The following SYNJ1 variants were observed in gnomAD, a reference collection of about 807,000 sequenced individuals.
SYNJ1 encodes the protein polyphosphatidylinositol phosphatase SYNJ1.
In SYNJ1, 78 loss-of-function variants were observed where a neutral mutation model predicts 168.2. The ratio of observed to expected loss-of-function variants is 0.46; its 90% confidence interval spans 0.39 to 0.56. The LOEUF is 0.56. Ranked by LOEUF, SYNJ1 falls within the 20% of genes least tolerant of loss-of-function variation. SYNJ1 has a pLI of 0.00. For missense variants in SYNJ1, 1,303 were observed against 1,597.6 expected (o/e 0.82, Z 3.14); for synonymous variants, 539 against 548.6 (o/e 0.98, Z 0.24).
Position 32,631,364 on chromosome 21 carries a change from T to A in SYNJ1, c.*441A>T, listed in dbSNP as rs969841388. 6.2e-7 allele frequency: 1 copy of A among 1,614,060 alleles called. No individual in the cohort carries two copies. The highest frequency in any genetic ancestry group is 8.5e-7 in the Non-Finnish European group (1 of 1,180,042). On this transcript the variant is annotated 3_prime_UTR_variant, in exon 33 of 33. Coordinates refer to ENST00000674351, the MANE Select transcript of SYNJ1 (RefSeq NM_203446.3). ...CATCAAGTGAAGATGAAGCCCTGCT[T>A]TTGTTATGACCAAGAGGCTGCAGAG...
At chr21:32,711,382 G>A (rs896939164) in intron 2 of SYNJ1, among the ~76,000 whole-genome samples, 1 of 151,612 alleles carries the variant, frequency 6.6e-6, no homozygotes, top group Admixed American at 6.6e-5. Context: ...CGCCAGGCTG[G>A]AGTGCAGTGG....
At chr21:32,676,407 A>C in intron 12 of SYNJ1, 52 bp from the exon 13 acceptor site, 11 of 1,563,374 alleles carry the variant, frequency 7.0e-6, no homozygotes, top group Non-Finnish European at 9.6e-6. Context: ...AACAAGTTAC[A>C]ATTAAAATGT....
rs543639398 is a variant in SYNJ1, at chr21:32,639,764, C to A, written c.3604G>T (p.Ala1202Ser). Residue 1202 changes from alanine (A) to serine (S), a missense_variant, in exon 30 of 33, where the codon GCT becomes TCT. Coordinates refer to ENST00000674351, the MANE Select transcript of SYNJ1 (RefSeq NM_203446.3). ...STARPTIPPR[A>S]GVISAPQSHA... ...CTCTGTGGGGCACTGATAACTCCAGCACGAGGAGGAATCGTCTACAGATAG... is the reference window on the plus strand; with the variant it reads ...CTCTGTGGGGCACTGATAACTCCAGAACGAGGAGGAATCGTCTACAGATAG... 19 of 1,613,860 alleles carry A rather than the reference C, an allele frequency of 1.2e-5. No homozygotes were observed. The highest frequency in any genetic ancestry group is 1.4e-5 in the Non-Finnish European group (16 of 1,179,874).
At chr21:32,651,093 C>T (rs2040255513) in intron 22 of SYNJ1, among the ~76,000 whole-genome samples, 2 of 152,158 alleles carry the variant, frequency 1.3e-5, no homozygotes, top group African/African-American at 2.4e-5. Flanking sequence ...CTGATAACAG[C>T]AAGACTCTTT....
At chr21:32,710,919 T>C (rs1009540958) in intron 2 of SYNJ1, among the ~76,000 whole-genome samples, 2 of 152,232 alleles carry the variant, frequency 1.3e-5, no homozygotes, top group Non-Finnish European at 2.9e-5. Context: ...AATTTAGTTT[T>C]AATATTCTAA....
At chr21:32,715,155 A>T (rs1464786978) in intron 2 of SYNJ1, among the ~76,000 whole-genome samples, 2 of 152,194 alleles carry the variant, frequency 1.3e-5, no homozygotes, top group African/African-American at 4.8e-5. Context: ...TTATTTAATT[A>T]TAAGATTCTG....
At chr21:32,633,393 T>C (rs2039427698) in intron 32 of SYNJ1, among the ~76,000 whole-genome samples, 1 of 152,178 alleles carries the variant, frequency 6.6e-6, no homozygotes, top group South Asian at 2.1e-4. Context: ...AAAAGAACTA[T>C]GATTCTTGCC....
chr21:32,664,797 A>T, intron 18 of SYNJ1, 116 bp downstream of exon 18: 4 of 809,180 alleles, frequency 4.9e-6, no homozygotes, highest in Non-Finnish European at 7.6e-6. Flanking sequence ...GTTTACCTAC[A>T]GATGCATATT....
chr21:32,704,474 C>T (rs998161326), intron 2 of SYNJ1, among the ~76,000 whole-genome samples: 4 of 152,146 alleles, frequency 2.6e-5, no homozygotes, highest in Non-Finnish European at 2.9e-5. Context: ...TGGAGGGAGG[C>T]CCAGTAATGG....
intron 2 of SYNJ1, among the ~76,000 whole-genome samples, chr21:32,725,141 T>C (rs2043399784): frequency 6.6e-6 from 1 of 152,228 alleles, no homozygotes; most frequent in African/African-American, 2.4e-5. Flanking sequence ...ACACAGTTTG[T>C]AGCTGAACAT....
rs2040518353 is a variant in SYNJ1, at chr21:32,657,829, G to A, written c.2348C>T (p.Thr783Ile). The change falls in exon 19 of 33, where the codon ACA (threonine) becomes ATA (isoleucine). Residue 783 changes from threonine to isoleucine, a missense_variant. Physicochemically the swap from Thr to Ile is moderately conservative, Grantham distance 89. This residue lies in a region of SYNJ1 where 920 missense variants were observed against 1,208.8 expected (regional missense o/e 0.76). Coordinates refer to ENST00000674351, the MANE Select transcript of SYNJ1 (RefSeq NM_203446.3). Reference sequence around the variant, plus strand: ...GTCAGAAAACAAGTCATACTTATATGTCGGAGCAAAGGTTACCTTTCCTTC... The same window carrying A: ...GTCAGAAAACAAGTCATACTTATATATCGGAGCAAAGGTTACCTTTCCTTC... The part of the protein sequence containing the change: ...FLEGKVTFAP[T>I]YKYDLFSDDY... The A allele has an allele frequency of 6.2e-7, 1 of 1,613,944 alleles. No individual in the cohort carries two copies. Among genetic ancestry groups the A allele is most frequent in the Non-Finnish European group, 8.5e-7 (1 of 1,179,952 alleles).
At chr21:32,688,583 G>C (rs963855431) in intron 6 of SYNJ1, among the ~76,000 whole-genome samples, 10 of 151,934 alleles carry the variant, frequency 6.6e-5, no homozygotes, top group Admixed American at 5.2e-4. Context: ...AAAAAAAGAA[G>C]TTACATCATT....
intron 31 of SYNJ1, among the ~76,000 whole-genome samples, 153 bp downstream of exon 31, chr21:32,638,755 T>TAC (rs1491368594): frequency 6.6e-6 from 1 of 151,950 alleles, no homozygotes; most frequent in Admixed American, 6.6e-5. Context: ...TATATATATA[T>TAC]ACACATATAT....
intron 21 of SYNJ1, among the ~76,000 whole-genome samples, chr21:32,655,257 T>C (rs536320851): frequency 6.6e-4 from 101 of 152,372 alleles, no homozygotes; most frequent in African/African-American, 2.4e-3. Flanking sequence ...ATTTATCTGC[T>C]ACTCTGCTGC....
rs61750218 is a variant in SYNJ1 at position 32,631,527 on chromosome 21, A to C, written c.*278T>G. On this transcript the variant is annotated 3_prime_UTR_variant, in exon 33 of 33. Coordinates refer to ENST00000674351, the MANE Select transcript of SYNJ1 (RefSeq NM_203446.3). ...AGGATTTGTCCTGGTCAAGCCAGTA[A>C]TAAATGGGTTTGGAGAACTTCGCAT... 62 of 1,614,050 alleles carry C rather than the reference A, an allele frequency of 3.8e-5. No individual in the cohort carries two copies. Among genetic ancestry groups the C allele is most frequent in the Non-Finnish European group, 5.2e-5 (61 of 1,180,010 alleles).
intron 2 of SYNJ1, among the ~76,000 whole-genome samples, chr21:32,713,077 T>G (rs1392020259): frequency 3.3e-5 from 5 of 152,258 alleles, no homozygotes; most frequent in East Asian, 1.9e-4. Context: ...TGGACTACAC[T>G]GCAACAAATA....
At chr21:32,676,397 A>G in intron 12 of SYNJ1, 42 bp from the exon 13 acceptor site, 1 of 1,585,656 alleles carries the variant, frequency 6.3e-7, no homozygotes, top group South Asian at 1.1e-5. Context: ...CATTAGTAAA[A>G]ACAAGTTACA....
intron 29 of SYNJ1, among the ~76,000 whole-genome samples, chr21:32,640,859 CT>C (rs2039804708): frequency 6.6e-6 from 1 of 152,270 alleles, no homozygotes; most frequent in East Asian, 1.9e-4. Flanking sequence ...AGGATCTAAG[CT>C]AACAATATTT....
At chr21:32,673,569 C>G in intron 13 of SYNJ1, 38 bp from the exon 14 acceptor site, 1 of 1,508,532 alleles carries the variant, frequency 6.6e-7, no homozygotes, top group Non-Finnish European at 8.9e-7. Context: ...TTAGCTGCAT[C>G]AAACCATTTA....
Sources: gnomAD v4.1 joint callset for allele counts (sites outside exome capture counted in the v4.1 genomes callset) on GRCh38, gnomAD v4.1.1 for gene constraint, gnomAD v4.1.1 regional missense constraint, MANE v1.5 for transcripts, NCBI Gene and HGNC (gene_info 2026-07-23, HGNC 2026-07-21) for gene names.